The following DUSP2 variants were observed in gnomAD, a reference collection of about 807,000 sequenced individuals.
The protein encoded by DUSP2 is dual specificity phosphatase 2.
In DUSP2, 20 loss-of-function variants were observed where a neutral mutation model predicts 23.3. That is an observed-to-expected ratio of 0.86 (90% CI 0.60 to 1.25). The LOEUF is 1.25. Ranked by LOEUF, DUSP2 falls within the 50% of genes most tolerant of loss-of-function variation. The pLI is 0.00. For synonymous variants in DUSP2, 231 were observed against 209.7 expected, an observed-to-expected ratio of 1.10 and a Z score of -0.88; for missense variants, 435 against 452.6, an observed-to-expected ratio of 0.96 and a Z score of 0.35.
At chr2:96,144,561 A>T in intron 2 of DUSP2, 188 bp from the exon 3 acceptor site, 1 of 723,222 alleles carries the variant, frequency 1.4e-6, no homozygotes, top group Non-Finnish European at 2.3e-6. Flanking sequence ...TGCTCCCAAC[A>T]TACACATGCA....
Position 96,144,220 on chromosome 2 carries a change from T to C in DUSP2, c.664A>G (p.Ile222Val). The change falls in exon 3 of 4, where the codon ATC becomes GTC. Residue 222 changes from isoleucine to valine, a missense_variant. By Grantham distance (29) the Ile-to-Val change is conservative. Coordinates refer to ENST00000288943, the MANE Select transcript of DUSP2 (RefSeq NM_004418.4). ...ACCATCTGGTTGTCCTCCACAGGGA[T>C]ACTCTTGTAGCGGAAAAGGCCCTCA... is the stretch of plus-strand genomic sequence containing the variant. ...HFEGLFRYKS[I>V]PVEDNQMVEI... The C allele has an allele frequency of 6.2e-7, 1 of 1,614,138 alleles. No homozygotes were observed. The highest frequency in any genetic ancestry group is 8.5e-7 in the Non-Finnish European group (1 of 1,180,040).
chr2:96,145,107 C>T lies in DUSP2; in HGVS notation c.248G>A (p.Gly83Glu). ...CAGCACCACGGCCCGCGCCAGCTCC[C>T]CGCGGACCAGGCGCGTCCGCAGCGC... Reference protein sequence around the residue: ...DRALRTRLVRGELARAVVLDE... With the variant: ...DRALRTRLVREELARAVVLDE... The change falls in exon 1 of 4, where the codon GGG (glycine) becomes GAG (glutamate). Residue 83 changes from glycine (G) to glutamate (E), a missense_variant. Physicochemically the swap from Gly to Glu is moderately conservative, Grantham distance 98. Transcript: ENST00000288943. 7.0e-7 allele frequency: 1 copy of T among 1,421,194 alleles called. No individual in the cohort carries two copies. Among genetic ancestry groups the T allele is most frequent in the Non-Finnish European group, 9.1e-7 (1 of 1,098,192 alleles). 88.0% of individuals were successfully genotyped at this position (1,421,194 alleles called of 1,614,324 possible). A position where few individuals can be genotyped will look rare whatever the true frequency, so the allele number is the denominator to read the frequency against.
chr2:96,144,073 T>C (rs1682454233), intron 3 of DUSP2, 36 bp from the exon 4 acceptor site: 4 of 1,613,068 alleles, frequency 2.5e-6, no homozygotes, highest in Non-Finnish European at 3.4e-6. Context: ...TCAGACGGAA[T>C]GTGCACAGCC....
chr2:96,144,803 GT>G lies in DUSP2; in HGVS notation c.467del (p.Asp156AlafsTer85). 6.3e-7 allele frequency: 1 copy of G among 1,581,292 alleles called. No homozygotes were observed. The highest frequency in any genetic ancestry group is 8.6e-7 in the Non-Finnish European group (1 of 1,165,278). ...APAPALPPTG[D>X]KTSRSDSRAP... ...CCCTGGAGTCGGAGCGGCTGGTTTTGTCCCCTGTTGGCGGCAGCGCAGGGGC... is the reference window on the plus strand; with the variant it reads ...CCCTGGAGTCGGAGCGGCTGGTTTTGCCCCTGTTGGCGGCAGCGCAGGGGC... On this transcript the variant is annotated frameshift_variant, in exon 2 of 4. Transcript: ENST00000288943. LOFTEE classifies it high-confidence loss of function.
rs370789460 is a variant in DUSP2 at position 96,143,975 on chromosome 2, C to G, written c.793G>C (p.Ala265Pro). The change falls in exon 4 of 4, where the codon GCC (alanine) becomes CCC (proline). Residue 265 changes from alanine to proline, a missense_variant. Physicochemically the swap from Ala to Pro is conservative, Grantham distance 27. Coordinates refer to ENST00000288943, the MANE Select transcript of DUSP2 (RefSeq NM_004418.4). ...VHCQAGISRS[A>P]TICLAYLMQS... Reference sequence around the variant, plus strand: ...ATGAGGTATGCCAGACAGATGGTGGCAGAGCGCGAGATACCCGCCTGGCAG... The same window carrying G: ...ATGAGGTATGCCAGACAGATGGTGGGAGAGCGCGAGATACCCGCCTGGCAG... 2 of 1,613,828 alleles carry G rather than the reference C, an allele frequency of 1.2e-6. No individual in the cohort carries two copies. Among genetic ancestry groups the G allele is most frequent in the Non-Finnish European group, 1.7e-6 (2 of 1,180,010 alleles).
At position 96,145,156 on chromosome 2, in the gene DUSP2, G is replaced by A. The variant is rs773725611; in HGVS notation, c.199C>T (p.Leu67Phe). Residue 67 changes from leucine to phenylalanine, a missense_variant, in exon 1 of 4, where the codon CTC (leucine) becomes TTC (phenylalanine). Leu to Phe is a conservative substitution (Grantham distance 22). Coordinates refer to ENST00000288943, the MANE Select transcript of DUSP2 (RefSeq NM_004418.4). The part of the protein sequence containing the change: ...RRARGPPAAV[L>F]ACLLPDRALR... The stretch of plus-strand genomic sequence containing the variant: ...GCGCGGTCGGGCAGCAGGCAGGCGA[G>A]AACGGCGGCAGGAGGGCCGCGCGCG... 3.6e-5 allele frequency: 48 copies of A among 1,319,390 alleles called. 2 individuals carry two copies. The highest frequency in any genetic ancestry group is 3.2e-4 in the East Asian group (10 of 31,282). The allele number at this position is 1,319,390 out of a possible 1,614,324, so 81.7% of individuals were successfully genotyped here. A position where few individuals can be genotyped will look rare whatever the true frequency, so the allele number is the denominator to read the frequency against.
In DUSP2 at chr2:96,144,743, A is replaced by AG. The variant is rs760353350; in HGVS notation, c.510+17dup. 5.2e-6 allele frequency: 8 copies of AG among 1,534,100 alleles called. No homozygotes were observed. The East Asian group carries it at 7.0e-5, about 13-fold the overall frequency. ...GCGGGGAGAGAGGGAGGTTCGGGGG[A>AG]GGGGGGTCAATACTCACCTGGTCGT... On this transcript the variant is annotated intron_variant, in intron 2 of 3. Coordinates refer to ENST00000288943, the MANE Select transcript of DUSP2 (RefSeq NM_004418.4).
In DUSP2 at chr2:96,145,365, G is replaced by T; in HGVS notation, c.-11C>A. On this transcript the variant is annotated 5_prime_UTR_variant, in exon 1 of 4. Transcript: ENST00000288943. ...CGCCTCCAGCCCCATGGCCACCGGT[G>T]CCTCTTCCTCTTCCTTTCGGTCTTT... 1 of 1,395,190 alleles carries T rather than the reference G, an allele frequency of 7.2e-7. No individual in the cohort carries two copies. Among genetic ancestry groups the T allele is most frequent in the Non-Finnish European group, 9.3e-7 (1 of 1,076,840 alleles). 86.4% of individuals were successfully genotyped at this position (1,395,190 alleles called of 1,614,324 possible). A position where few individuals can be genotyped will look rare whatever the true frequency, so the allele number is the denominator to read the frequency against.
chr2:96,144,914 G>GA, intron 1 of DUSP2, 32 bp from the exon 2 acceptor site: 1 of 1,548,492 alleles, frequency 6.5e-7, no homozygotes, highest in Non-Finnish European at 8.7e-7. Context: ...GATCAGCAGG[G>GA]AAAGCCGGGC....
rs1558721366 is a variant in DUSP2, at chr2:96,144,272, G to A, written c.612C>T (p.Asn204=). 1 of 1,613,946 alleles carries A rather than the reference G, an allele frequency of 6.2e-7. No homozygotes were observed. The highest frequency in any genetic ancestry group is 1.1e-5 in the South Asian group (1 of 91,090). ...AGTGGTTGGGGCAGCTGGCGGACAC[G>A]TTGAGGACGGCTGTGATGCCACAGG... ...LQACGITAVL[N]VSASCPNHFE... is the part of the protein sequence containing the mutation. The change falls in exon 3 of 4, where the codon AAC becomes AAT. Residue 204 remains asparagine, a synonymous_variant. Coordinates refer to ENST00000288943, the MANE Select transcript of DUSP2 (RefSeq NM_004418.4).
In DUSP2 at chr2:96,144,537, T is replaced by C. The variant is rs185121318; in HGVS notation, c.511-164A>G. 204 of 750,552 alleles carry C rather than the reference T, an allele frequency of 2.7e-4. No individual in the cohort carries two copies. In the African/African-American group the frequency reaches 3.3e-3, roughly 12 times the overall value. 46.5% of individuals were successfully genotyped at this position (750,552 alleles called of 1,614,324 possible). A position where few individuals can be genotyped will look rare whatever the true frequency, so the allele number is the denominator to read the frequency against. On this transcript the variant is annotated intron_variant, in intron 2 of 3. Transcript: ENST00000288943. The stretch of plus-strand genomic sequence containing the variant: ...AATGTGCGGAGGACACACCGGGACA[T>C]ACATTTCCCTTCATGCTCCCAACAT...
Position 96,145,413 on chromosome 2 carries a change from C to T in DUSP2, c.-59G>A, listed in dbSNP as rs1030815614. The T allele has an allele frequency of 1.5e-6, 2 of 1,295,346 alleles. No homozygotes were observed. The highest frequency in any genetic ancestry group is 2.3e-5 in the South Asian group (1 of 43,640). 80.2% of individuals were successfully genotyped at this position (1,295,346 alleles called of 1,614,324 possible). ...TTTCCCGCGTCCCGGGCTCTCGTGG[C>T]GGTGGCGCTGCCCGAGCGGTCGACT... On this transcript the variant is annotated 5_prime_UTR_variant, in exon 1 of 4. Coordinates refer to ENST00000288943, the MANE Select transcript of DUSP2 (RefSeq NM_004418.4).
At position 96,144,773 on chromosome 2, in the gene DUSP2, A is replaced by T. The variant is rs1163213084; in HGVS notation, c.498T>A (p.Pro166=). ...GGTCAATACTCACCTGGTCGTAGAC[A>T]GGAGCCCTGGAGTCGGAGCGGCTGG... ...DKTSRSDSRA[P]VYDQGGPVEI... Residue 166 remains proline (P), a synonymous_variant, in exon 2 of 4, where the codon CCT becomes CCA. Coordinates refer to ENST00000288943, the MANE Select transcript of DUSP2 (RefSeq NM_004418.4). The T allele has an allele frequency of 6.3e-7, 1 of 1,591,170 alleles. No individual in the cohort carries two copies. Among genetic ancestry groups the T allele is most frequent in the Non-Finnish European group, 8.5e-7 (1 of 1,170,022 alleles).
chr2:96,144,769 A>G lies in DUSP2; in HGVS notation c.502T>C (p.Tyr168His). The G allele has an allele frequency of 1.3e-6, 2 of 1,590,312 alleles. No individual in the cohort carries two copies. Among genetic ancestry groups the G allele is most frequent in the Non-Finnish European group, 8.5e-7 (1 of 1,169,642 alleles). The change falls in exon 2 of 4, where the codon TAC becomes CAC. Residue 168 changes from tyrosine (Y) to histidine (H), a missense_variant. By Grantham distance (83) the Tyr-to-His change is moderately conservative. Transcript: ENST00000288943. ...TSRSDSRAPV[Y>H]DQGGPVEILP... ...GGGGGGTCAATACTCACCTGGTCGTAGACAGGAGCCCTGGAGTCGGAGCGG... is the reference window on the plus strand; with the variant it reads ...GGGGGGTCAATACTCACCTGGTCGTGGACAGGAGCCCTGGAGTCGGAGCGG...
At position 96,144,136 on chromosome 2, in the gene DUSP2, G is replaced by A. The variant is rs368110350; in HGVS notation, c.730+18C>T. The A allele has an allele frequency of 1.9e-6, 3 of 1,613,528 alleles. No individual in the cohort carries two copies. In the African/African-American group the frequency reaches 4.0e-5, roughly 22 times the overall value. On this transcript the variant is annotated intron_variant, in intron 3 of 3. Coordinates refer to ENST00000288943, the MANE Select transcript of DUSP2 (RefSeq NM_004418.4). ...CTCTGGAGCCCCTCGGGATTTCTGG[G>A]CAGAGGTGCCCCCTTACCAATGAAG...
rs111938402 is a variant in DUSP2, at chr2:96,143,605, C to G, written c.*218G>C. On this transcript the variant is annotated 3_prime_UTR_variant, in exon 4 of 4. Coordinates refer to ENST00000288943, the MANE Select transcript of DUSP2 (RefSeq NM_004418.4). ...CAGACACACCCTTGGTTCCCGACCC[C>G]GAATGAGGGCCAGCCTCAGTCCCCC... 9.8e-6 allele frequency: 6 copies of G among 614,744 alleles called. 1 individual carries two copies. The highest frequency in any genetic ancestry group is 1.8e-5 in the African/African-American group (1 of 54,086). 38.1% of individuals were successfully genotyped at this position (614,744 alleles called of 1,614,324 possible).
chr2:96,144,556 C>T (rs1682467534), intron 2 of DUSP2, 183 bp from the exon 3 acceptor site: 2 of 729,706 alleles, frequency 2.7e-6, no homozygotes, highest in Admixed American at 2.9e-5. Context: ...CTTCATGCTC[C>T]CAACATACAC....
At chr2:96,144,491 T>A (rs1384030295) in intron 2 of DUSP2, 118 bp from the exon 3 acceptor site, 1 of 999,610 alleles carries the variant, frequency 1.0e-6, no homozygotes, top group Non-Finnish European at 1.5e-6. Flanking sequence ...CCAGTCCTCC[T>A]GACCTGAGAC....
At chr2:96,144,115 G>A in intron 3 of DUSP2, 39 bp downstream of exon 3, 3 of 1,613,020 alleles carry the variant, frequency 1.9e-6, no homozygotes, top group Non-Finnish European at 2.5e-6. Context: ...CCTCTCCTCT[G>A]GAGCCCCTCG....
Sources: allele counts gnomAD v4.1 joint callset, GRCh38; gene constraint gnomAD v4.1.1; transcripts MANE v1.5; gene names NCBI Gene and HGNC (gene_info 2026-07-23, HGNC 2026-07-21).